Variants in BDNF observed in about 807,000 individuals in gnomAD.
BDNF encodes the protein neurotrophic factor BDNF precursor form.
Under a neutral mutation model 19.5 loss-of-function variants are expected in BDNF, and 1 was observed. The observed-to-expected ratio is 0.05, with a 90% CI of 0.02 to 0.24. The LOEUF is 0.24. BDNF is among the 10% of genes least tolerant of loss of function. The pLI is 1.00. For missense variants in BDNF, 195 were observed against 317.6 expected (o/e 0.61, Z 2.93); for synonymous variants, 100 against 121.6 (o/e 0.82, Z 1.17).
chr11:27,710,624 G>A (rs1020390461), intron 1 of BDNF, among the ~76,000 whole-genome samples: 5 of 152,192 alleles, frequency 3.3e-5, no homozygotes, highest in Admixed American at 3.3e-4. Flanking sequence ...GTTTTAGACT[G>A]TGCTTGTCCA....
chr11:27,687,670 T>C (rs995970027), intron 1 of BDNF, among the ~76,000 whole-genome samples: 4 of 152,368 alleles, frequency 2.6e-5, no homozygotes, highest in Non-Finnish European at 5.9e-5. Flanking sequence ...GCCCCTCTGC[T>C]GCAGGTCTGC....
intron 1 of BDNF, among the ~76,000 whole-genome samples, chr11:27,681,554 A>G (rs1856828493): frequency 6.6e-6 from 1 of 152,196 alleles, no homozygotes; most frequent in African/African-American, 2.4e-5. Flanking sequence ...GTCTTGAAGA[A>G]TGAGTAGAAT....
intron 1 of BDNF, among the ~76,000 whole-genome samples, chr11:27,694,571 T>C (rs1013880447): frequency 6.9e-6 from 1 of 144,438 alleles, no homozygotes; most frequent in South Asian, 2.2e-4. Flanking sequence ...TAATTATTGG[T>C]TCCTGGTTCC....
At chr11:27,700,609 G>C (rs1349322317), upstream of BDNF, 1 of 975,920 alleles carries the variant, frequency 1.0e-6, no homozygotes, top group Non-Finnish European at 1.2e-6. Context: ...GGAACGCCGC[G>C]TCTTTTCCTC....
intron 1 of BDNF, among the ~76,000 whole-genome samples, chr11:27,694,155 C>T (rs888581016): frequency 1.3e-5 from 2 of 152,122 alleles, no homozygotes; most frequent in Admixed American, 6.5e-5. Flanking sequence ...TCTCCACTGG[C>T]ATTTAAAAAT....
Position 27,657,233 on chromosome 11 carries a change from A to T in BDNF, c.*588T>A. 1.0e-6 allele frequency: 1 copy of T among 986,550 alleles called. No homozygotes were observed. Among genetic ancestry groups the T allele is most frequent in the Non-Finnish European group, 1.2e-6 (1 of 830,164 alleles). The allele number at this position is 986,550 out of a possible 1,614,324, so 61.1% of individuals were successfully genotyped here. A position where few individuals can be genotyped will look rare whatever the true frequency, so the allele number is the denominator to read the frequency against. On this transcript the variant is annotated 3_prime_UTR_variant, in exon 2 of 2. Transcript: ENST00000356660. The surrounding 1 kb of genome is among the most constrained non-coding windows in gnomAD (Gnocchi z 5.0). ...CTCTACTCCCTGTGGGAACTAAAAA[A>T]CAAAACAAACAAACGAAAAAAAAAC...
At chr11:27,720,329 C>T (rs1031721428) in intron 1 of BDNF, 4 of 985,732 alleles carry the variant, frequency 4.1e-6, no homozygotes, top group Non-Finnish European at 4.8e-6. Context: ...GCAAGGGGTC[C>T]CCGCCCTGGT....
At chr11:27,708,049 C>G (rs1860179561) in intron 1 of BDNF, among the ~76,000 whole-genome samples, 1 of 152,204 alleles carries the variant, frequency 6.6e-6, no homozygotes, top group African/African-American at 2.4e-5. Flanking sequence ...ATGTGTCCCC[C>G]AAATGCAGTA....
intron 1 of BDNF, among the ~76,000 whole-genome samples, chr11:27,714,775 C>T (rs1210134178): frequency 2.0e-5 from 3 of 152,030 alleles, no homozygotes; most frequent in Non-Finnish European, 2.9e-5. Context: ...AAACTTGGAA[C>T]GGAAGTGGAA....
Position 27,657,533 on chromosome 11 carries a change from A to T in BDNF, c.*288T>A, listed in dbSNP as rs551271356. The T allele has an allele frequency of 2.6e-6, 3 of 1,158,376 alleles. No homozygotes were observed. The highest frequency in any genetic ancestry group is 1.6e-5 in the African/African-American group (1 of 63,210). 71.8% of individuals were successfully genotyped at this position (1,158,376 alleles called of 1,614,324 possible). On this transcript the variant is annotated 3_prime_UTR_variant, in exon 2 of 2. Transcript: ENST00000356660. This position sits in a 1 kb window ranked among gnomAD's most constrained non-coding sequence, Gnocchi z 5.0. ...CAATTAAAGCAGCATGCAATTTATT[A>T]TTTTTTTTAACTTTTTATGTTTTCA...
chr11:27,700,711 G>T (rs556126588), upstream of BDNF: 90 of 1,170,082 alleles, frequency 7.7e-5, no homozygotes, highest in Non-Finnish European at 9.4e-5. Context: ...CGCCCTGCGA[G>T]TCCTGCGCCC....
In BDNF at chr11:27,658,784, A is replaced by G; in HGVS notation, c.-21-199T>C. The G allele has an allele frequency of 6.9e-7, 1 of 1,452,738 alleles. No homozygotes were observed. The highest frequency in any genetic ancestry group is 9.1e-7 in the Non-Finnish European group (1 of 1,102,346). The allele number at this position is 1,452,738 out of a possible 1,614,324, so 90.0% of individuals were successfully genotyped here. A position where few individuals can be genotyped will look rare whatever the true frequency, so the allele number is the denominator to read the frequency against. On this transcript the variant is annotated intron_variant, in intron 1 of 1. Coordinates refer to ENST00000356660, the MANE Select transcript of BDNF (RefSeq NM_001709.5). This position sits in a 1 kb window ranked among gnomAD's most constrained non-coding sequence, Gnocchi z 5.7. Reference sequence around the variant, plus strand: ...GTATGTGGTTTAATATAAACCAGAGACATGCAGTGTTTCCCCCAAGATCTA... The same window carrying G: ...GTATGTGGTTTAATATAAACCAGAGGCATGCAGTGTTTCCCCCAAGATCTA...
intron 1 of BDNF, chr11:27,699,731 G>C: frequency 7.4e-7 from 1 of 1,354,482 alleles, no homozygotes; most frequent in Non-Finnish European, 9.5e-7. Flanking sequence ...CCCGCAAGTC[G>C]GCGCGGGGAC....
intron 1 of BDNF, among the ~76,000 whole-genome samples, chr11:27,672,724 G>C (rs1366311188): frequency 6.6e-6 from 1 of 152,072 alleles, no homozygotes; most frequent in Non-Finnish European, 1.5e-5. Context: ...TTTCTAGGTT[G>C]GTGTCCAATA....
intron 1 of BDNF, among the ~76,000 whole-genome samples, chr11:27,694,013 C>T (rs1858649785): frequency 6.6e-6 from 1 of 152,060 alleles, no homozygotes; most frequent in African/African-American, 2.4e-5. Flanking sequence ...CACCTGATTG[C>T]TTCCATGAAT....
upstream of BDNF, among the ~76,000 whole-genome samples, chr11:27,704,358 C>G (rs941977025): frequency 6.6e-6 from 1 of 152,152 alleles, no homozygotes; most frequent in Non-Finnish European, 1.5e-5. Context: ...GAATTCCCAT[C>G]TATTCTTGTC....
In BDNF at chr11:27,657,367, C is replaced by T; in HGVS notation, c.*454G>A. 1.0e-6 allele frequency: 1 copy of T among 1,002,026 alleles called. No homozygotes were observed. The highest frequency in any genetic ancestry group is 1.2e-6 in the Non-Finnish European group (1 of 839,582). The allele number at this position is 1,002,026 out of a possible 1,614,324, so 62.1% of individuals were successfully genotyped here. On this transcript the variant is annotated 3_prime_UTR_variant, in exon 2 of 2. Transcript: ENST00000356660. This position sits in a 1 kb window ranked among gnomAD's most constrained non-coding sequence, Gnocchi z 5.0. ...TTCCAACGCTATCAGAAGTTAAAAGCAGTAAAACAGATATAGTACTAACAA... is the reference window on the plus strand; with the variant it reads ...TTCCAACGCTATCAGAAGTTAAAAGTAGTAAAACAGATATAGTACTAACAA...
At chr11:27,718,627 G>C (rs1255410550) in intron 1 of BDNF, among the ~76,000 whole-genome samples, 1 of 147,830 alleles carries the variant, frequency 6.8e-6, no homozygotes, top group East Asian at 2.0e-4. Context: ...CTGGATCTCG[G>C]AACAATCTGT....
chr11:27,676,055 T>C (rs1856055097), intron 1 of BDNF: 1 of 152,212 alleles, frequency 6.6e-6, no homozygotes, highest in South Asian at 2.1e-4. Context: ...CATTGTCAGC[T>C]CTTGGAAGAG....
Sources: allele counts gnomAD v4.1 joint callset (sites outside exome capture counted in the v4.1 genomes callset), GRCh38; gene constraint gnomAD v4.1.1; non-coding constraint Gnocchi (gnomAD v3.1); transcripts MANE v1.5; gene names NCBI Gene and HGNC (gene_info 2026-07-23, HGNC 2026-07-21).